Variants in CADPS2 observed in about 807,000 individuals in gnomAD.
The protein encoded by CADPS2 is calcium-dependent secretion activator 2.
A neutral mutation model predicts 172.5 loss-of-function variants in CADPS2; 93 were observed. The ratio of observed to expected loss-of-function variants is 0.54; its 90% CI spans 0.46 to 0.64. CADPS2 has a LOEUF of 0.64. Among genes scored for constraint, CADPS2 ranks in the 30% least tolerant of loss-of-function variants. CADPS2 has a pLI of 0.00. For synonymous variants in CADPS2, 546 were observed against 555.2 expected (o/e 0.98, Z 0.23); for missense variants, 1,420 against 1,565.9 (o/e 0.91, Z 1.57).
intron 1 of CADPS2, among the ~76,000 whole-genome samples, chr7:122,840,996 G>A (rs1029421393): frequency 6.6e-6 from 1 of 152,078 alleles, no homozygotes; most frequent in Middle Eastern, 3.2e-3. Context: ...CTGAGCAAGA[G>A]TTTATGTAAC....
At chr7:122,505,449 A>G (rs2130609912) in intron 9 of CADPS2, among the ~76,000 whole-genome samples, 2 of 152,348 alleles carry the variant, frequency 1.3e-5, no homozygotes, top group South Asian at 4.1e-4. Context: ...CAAAAACTTC[A>G]GGTTTAGAGG....
rs535987571 is a variant in CADPS2 at position 122,447,746 on chromosome 7, T to C, written c.2288+3628A>G. On this transcript the variant is annotated intron_variant, in intron 15 of 29. Coordinates refer to ENST00000449022, the MANE Select transcript of CADPS2 (RefSeq NM_017954.11). ...TTTTGTATTTTTCGTAGAAACAGGGTTTTACCATGTTGGCCAGGCTGGTCT... is the reference window on the plus strand; with the variant it reads ...TTTTGTATTTTTCGTAGAAACAGGGCTTTACCATGTTGGCCAGGCTGGTCT... 7.3e-5 allele frequency among the ~76,000 whole-genome samples: 11 copies of C among 151,130 alleles called. No homozygotes were observed. The South Asian group carries it at 8.5e-4, about 12-fold the overall frequency.
intron 7 of CADPS2, among the ~76,000 whole-genome samples, chr7:122,577,652 C>T (rs2068224007): frequency 6.6e-6 from 1 of 152,182 alleles, no homozygotes; most frequent in South Asian, 2.1e-4. Context: ...ACACAACCTT[C>T]ATAAACCCTT....
chr7:122,794,418 T>C (rs1257044593), intron 1 of CADPS2, among the ~76,000 whole-genome samples: 6 of 152,112 alleles, frequency 3.9e-5, no homozygotes, highest in Non-Finnish European at 7.4e-5. Flanking sequence ...AATTGCATTA[T>C]AAAATTCTTG....
At chr7:122,460,927 G>C (rs1226840308) in intron 14 of CADPS2, among the ~76,000 whole-genome samples, 1 of 152,146 alleles carries the variant, frequency 6.6e-6, no homozygotes, top group Non-Finnish European at 1.5e-5. Context: ...GCAAACTACG[G>C]CCTTTCATCT....
chr7:122,808,085 A>C (rs1799187796), intron 1 of CADPS2, among the ~76,000 whole-genome samples: 1 of 152,160 alleles, frequency 6.6e-6, no homozygotes, highest in African/African-American at 2.4e-5. Flanking sequence ...AATACAACTA[A>C]TATACTGAAT....
intron 25 of CADPS2, among the ~76,000 whole-genome samples, chr7:122,370,650 G>T (rs2041654244): frequency 6.6e-6 from 1 of 152,110 alleles, no homozygotes; most frequent in African/African-American, 2.4e-5. Flanking sequence ...GGTAAGGAGA[G>T]GGCTAAATTT....
chr7:122,361,889 C>T (rs1002719393), intron 25 of CADPS2, among the ~76,000 whole-genome samples: 1 of 151,928 alleles, frequency 6.6e-6, no homozygotes, highest in Non-Finnish European at 1.5e-5. Context: ...GCCTAACCAA[C>T]ATGGAGAAAC....
chr7:122,711,236 G>A (rs1220299595), intron 2 of CADPS2, among the ~76,000 whole-genome samples: 1 of 151,964 alleles, frequency 6.6e-6, no homozygotes, highest in African/African-American at 2.4e-5. Flanking sequence ...ACTAAATATG[G>A]AATAATATGC....
In CADPS2 at chr7:122,615,221, C is replaced by T; in HGVS notation, c.1183G>A (p.Glu395Lys). 2 of 1,558,706 alleles carry T rather than the reference C, an allele frequency of 1.3e-6. No individual in the cohort carries two copies. The highest frequency in any genetic ancestry group is 2.4e-5 in the South Asian group (2 of 84,490). Reference sequence around the variant, plus strand: ...TCGGCCTGGTCTGTCTGAAGTTTTTCTCCTTCCACTTCCATTGTACAGTAA... The same window carrying T: ...TCGGCCTGGTCTGTCTGAAGTTTTTTTCCTTCCACTTCCATTGTACAGTAA... ...IVYCTMEVEG[E>K]KLQTDQAEAS... Residue 395 changes from glutamate (E) to lysine (K), a missense_variant, in exon 6 of 30, where the codon GAA becomes AAA. Transcript: ENST00000449022.
intron 20 of CADPS2, among the ~76,000 whole-genome samples, chr7:122,398,021 C>T (rs1022512313): frequency 2.0e-5 from 3 of 152,106 alleles, no homozygotes; most frequent in Non-Finnish European, 2.9e-5. Flanking sequence ...TCAATGACAT[C>T]GAGCCCTATG....
At chr7:122,518,368 C>G (rs951427520) in intron 8 of CADPS2, among the ~76,000 whole-genome samples, 1 of 151,874 alleles carries the variant, frequency 6.6e-6, no homozygotes, top group African/African-American at 2.4e-5. Context: ...TTAAATGTAA[C>G]CATTTATTTG....
chr7:122,419,169 G>A (rs186815640), intron 17 of CADPS2, among the ~76,000 whole-genome samples: 1 of 152,276 alleles, frequency 6.6e-6, no homozygotes, highest in Non-Finnish European at 1.5e-5. Context: ...AATGTTTACT[G>A]AGAATGCAGC....
chr7:122,702,118 C>G (rs767274191), intron 2 of CADPS2: 3 of 1,613,580 alleles, frequency 1.9e-6, no homozygotes, highest in Non-Finnish European at 2.5e-6. Flanking sequence ...GTGTAAGTCT[C>G]CAGACGCAAT....
At chr7:122,809,092 A>C (rs541766166) in intron 1 of CADPS2, among the ~76,000 whole-genome samples, 1 of 152,170 alleles carries the variant, frequency 6.6e-6, no homozygotes, top group Non-Finnish European at 1.5e-5. Flanking sequence ...ATTATGCTTC[A>C]TATCTGCTTC....
intron 25 of CADPS2, among the ~76,000 whole-genome samples, chr7:122,366,051 T>C (rs2040798930): frequency 6.6e-6 from 1 of 150,740 alleles, no homozygotes; most frequent in South Asian, 2.1e-4. Flanking sequence ...GTATGGCTGA[T>C]AATGAAAAAC....
chr7:122,702,824 T>C (rs958451588), intron 2 of CADPS2: 80 of 1,179,178 alleles, frequency 6.8e-5, no homozygotes, highest in Non-Finnish European at 7.8e-5. Context: ...ATAAAGAAGA[T>C]AGCTTGTTGG....
chr7:122,878,306 G>A (rs1256089662), intron 1 of CADPS2, among the ~76,000 whole-genome samples: 2 of 143,168 alleles, frequency 1.4e-5, no homozygotes, highest in African/African-American at 5.2e-5. Flanking sequence ...AATGATACAA[G>A]TAAAAAATTT....
intron 1 of CADPS2, among the ~76,000 whole-genome samples, chr7:122,759,609 A>G (rs2093304776): frequency 1.3e-5 from 2 of 152,108 alleles, no homozygotes; most frequent in Admixed American, 1.3e-4. Flanking sequence ...GAAGGGCTTA[A>G]TTTTATAGAC....
Sources: gnomAD v4.1 joint callset for allele counts (sites outside exome capture counted in the v4.1 genomes callset) on GRCh38, gnomAD v4.1.1 for gene constraint, MANE v1.5 for transcripts, NCBI Gene and HGNC (gene_info 2026-07-23, HGNC 2026-07-21) for gene names.